SS18: variants seen among roughly 807,000 people sequenced by gnomAD.
SS18 encodes SS18 subunit of BAF chromatin remodeling complex.
In SS18, 28 loss-of-function variants were observed where a neutral mutation model predicts 72.5. That is an observed-to-expected ratio of 0.39 (90% CI 0.29 to 0.53). The LOEUF (loss-of-function observed/expected upper bound fraction) is 0.53, where lower values mean the gene tolerates loss of function less well. Ranked by LOEUF, SS18 falls within the 20% of genes least tolerant of loss-of-function variation. The pLI is 0.76. For missense variants in SS18, 518 were observed against 535.3 expected (o/e 0.97, Z 0.32); for synonymous variants, 172 against 164.2 (o/e 1.05, Z -0.37).
chr18:26,023,705 T>G (rs1041865870), intron 10 of SS18: 2 of 514,760 alleles, frequency 3.9e-6, no homozygotes, highest in African/African-American at 1.9e-5. Flanking sequence ...AAAAGCTGAT[T>G]ATTACCAGTA....
chr18:26,038,013 T>G (rs1012534288), intron 7 of SS18, among the ~76,000 whole-genome samples: 7 of 152,168 alleles, frequency 4.6e-5, no homozygotes, highest in African/African-American at 7.2e-5. Context: ...CTACTCAATC[T>G]CTATATGGCT....
rs182367649 is a variant in SS18 at position 26,077,372 on chromosome 18, G to A, written c.231+704C>T. ...TGAAATAAGAGAAACAAAGGAACAC[G>A]TTAAAGGACCATGAGAATACAATTA... On this transcript the variant is annotated intron_variant, in intron 3 of 10. Coordinates refer to ENST00000415083, the MANE Select transcript of SS18 (RefSeq NM_001007559.3). Among the ~76,000 whole-genome samples, 276 of 152,092 alleles carry A rather than the reference G, an allele frequency of 1.8e-3. 2 individuals are homozygous for A. Among genetic ancestry groups the A allele is most frequent in the Non-Finnish European group, 2.8e-3 (189 of 67,916 alleles).
At chr18:26,018,725 A>T (rs1332680503) in intron 10 of SS18, among the ~76,000 whole-genome samples, 4 of 152,218 alleles carry the variant, frequency 2.6e-5, no homozygotes, top group African/African-American at 9.6e-5. Context: ...GATGTAATAT[A>T]TATATTAGGG....
intron 3 of SS18, among the ~76,000 whole-genome samples, chr18:26,073,645 C>T (rs2054356213): frequency 6.6e-6 from 1 of 152,164 alleles, no homozygotes; most frequent in Non-Finnish European, 1.5e-5. Flanking sequence ...CTGCCACACA[C>T]TTGCAGTTGA....
intron 3 of SS18, among the ~76,000 whole-genome samples, chr18:26,075,614 C>T (rs2054398140): frequency 6.6e-6 from 1 of 151,910 alleles, no homozygotes; most frequent in Admixed American, 6.6e-5. Flanking sequence ...TGAAACACTA[C>T]AGCAAACATC....
intron 10 of SS18, among the ~76,000 whole-genome samples, chr18:26,025,034 G>C (rs1276758554): frequency 6.6e-6 from 1 of 152,208 alleles, no homozygotes; most frequent in East Asian, 1.9e-4. Flanking sequence ...CTAGATTTCA[G>C]AGCAAAAAAT....
chr18:26,025,253 A>G (rs2143795398), intron 10 of SS18, among the ~76,000 whole-genome samples: 1 of 152,288 alleles, frequency 6.6e-6, no homozygotes, highest in Non-Finnish European at 1.5e-5. Context: ...AGAAAGAAAC[A>G]TCTATATTAG....
intron 10 of SS18, among the ~76,000 whole-genome samples, chr18:26,025,679 T>C (rs1411566008): frequency 1.3e-5 from 2 of 152,122 alleles, no homozygotes; most frequent in Non-Finnish European, 1.5e-5. Flanking sequence ...ATTTCATAAA[T>C]TAAATTTATA....
rs372101218 is a variant in SS18 at position 26,060,986 on chromosome 18, T to C, written c.232-3244A>G. On this transcript the variant is annotated intron_variant, in intron 3 of 10. Coordinates refer to ENST00000415083, the MANE Select transcript of SS18 (RefSeq NM_001007559.3). ...AAAAAAAAACAGATTATGGAGTTACTAAAGACTTAAAATAACTGTGATTGG... is the reference window on the plus strand; with the variant it reads ...AAAAAAAAACAGATTATGGAGTTACCAAAGACTTAAAATAACTGTGATTGG... Among the ~76,000 whole-genome samples the C allele has an allele frequency of 5.9e-3, 869 of 147,042 alleles. 14 individuals are homozygous for C. The highest frequency in any genetic ancestry group is 0.021 in the African/African-American group (834 of 39,892).
chr18:26,054,067 T>C lies in SS18; in HGVS notation c.386-1222A>G, dbSNP rs543570131. 1.4e-3 allele frequency among the ~76,000 whole-genome samples: 210 copies of C among 152,288 alleles called. 1 individual carries two copies. The highest frequency in any genetic ancestry group is 2.3e-3 in the Non-Finnish European group (154 of 68,016). On this transcript the variant is annotated intron_variant, in intron 4 of 10. Transcript: ENST00000415083. ...AGTATTTCCACATAACCTATGTACA[T>C]CCTCTCATATACTTTAAATCATCTC... is the stretch of plus-strand genomic sequence containing the variant.
chr18:26,032,724 T>C (rs1336704789), intron 9 of SS18, among the ~76,000 whole-genome samples, 192 bp from the exon 10 acceptor site: 1 of 152,234 alleles, frequency 6.6e-6, no homozygotes, highest in East Asian at 1.9e-4. Context: ...AATACTGTAA[T>C]GTTACTTCAC....
At chr18:26,047,566 G>A (rs1057041623) in intron 5 of SS18, among the ~76,000 whole-genome samples, 2 of 152,168 alleles carry the variant, frequency 1.3e-5, no homozygotes, top group Non-Finnish European at 2.9e-5. Flanking sequence ...AGCCGGGCGT[G>A]GTGGCTCATG....
chr18:26,043,208 T>C (rs2053760125), intron 5 of SS18, among the ~76,000 whole-genome samples: 1 of 152,180 alleles, frequency 6.6e-6, no homozygotes, highest in East Asian at 1.9e-4. Context: ...GTAGCATAGC[T>C]ACTAAATGGT....
intron 10 of SS18, among the ~76,000 whole-genome samples, chr18:26,019,217 C>T (rs1012419227): frequency 6.6e-6 from 1 of 152,066 alleles, no homozygotes; most frequent in South Asian, 2.1e-4. Context: ...GAAAGACATA[C>T]TATGAAATAT....
intron 9 of SS18, among the ~76,000 whole-genome samples, chr18:26,034,510 C>T (rs899115855): frequency 4.0e-5 from 6 of 151,472 alleles, no homozygotes; most frequent in African/African-American, 1.5e-4. Flanking sequence ...TAATTCATCC[C>T]GATGGATACG....
chr18:26,082,108 G>A (rs972329537), intron 2 of SS18, among the ~76,000 whole-genome samples: 9 of 151,990 alleles, frequency 5.9e-5, no homozygotes, highest in Non-Finnish European at 1.0e-4. Flanking sequence ...GGAAAAAAAG[G>A]AGTATATAAG....
At position 26,032,540 on chromosome 18, in the gene SS18, T is replaced by C; in HGVS notation, c.1097-8A>G. On this transcript the variant is annotated splice_region_variant and splice_polypyrimidine_tract_variant and intron_variant, in intron 9 of 10. Transcript: ENST00000415083. ...GACCACCCTGTGAAGGACCTGAAAA[T>C]AATGTACACAACAAAAACCCACATA... 3 of 1,612,936 alleles carry C rather than the reference T, an allele frequency of 1.9e-6. No homozygotes were observed. The highest frequency in any genetic ancestry group is 2.5e-6 in the Non-Finnish European group (3 of 1,179,494).
intron 3 of SS18, among the ~76,000 whole-genome samples, chr18:26,070,462 A>AG (rs2054293324): frequency 6.6e-6 from 1 of 152,204 alleles, no homozygotes; most frequent in African/African-American, 2.4e-5. Flanking sequence ...AATTAAGAAA[A>AG]CAAGTCTGTT....
chr18:26,023,477 G>T, intron 10 of SS18: 1 of 366,672 alleles, frequency 2.7e-6, no homozygotes, highest in Non-Finnish European at 5.1e-6. Context: ...TTTGATAAAG[G>T]GAAAATCTTA....
Sources: allele counts gnomAD v4.1 joint callset (sites outside exome capture counted in the v4.1 genomes callset), GRCh38; gene constraint gnomAD v4.1.1; transcripts MANE v1.5; gene names NCBI Gene and HGNC (gene_info 2026-07-23, HGNC 2026-07-21).